Variants in MEI4 observed in about 807,000 individuals in gnomAD.
MEI4 encodes the protein meiosis-specific protein MEI4.
MEI4 carries 27 observed loss-of-function variants against 31.4 expected under a neutral mutation model. The ratio of observed to expected loss-of-function variants is 0.86; its 90% CI spans 0.63 to 1.19. MEI4 has a LOEUF of 1.19. Ranked by LOEUF, MEI4 falls within the 50% of genes most tolerant of loss-of-function variation. The pLI, the probability that MEI4 is intolerant of heterozygous loss-of-function variation, is 0.00. For missense variants in MEI4, 329 were observed against 398.9 expected, an observed-to-expected ratio of 0.82 and a Z score of 1.49; for synonymous variants, 122 against 145.4, an observed-to-expected ratio of 0.84 and a Z score of 1.16.
chr6:77,861,173 C>A (rs1462496862), intron 4 of MEI4, among the ~76,000 whole-genome samples: 1 of 152,178 alleles, frequency 6.6e-6, no homozygotes, highest in Admixed American at 6.5e-5. Context: ...ATGTCTTGTT[C>A]CACAGTGCCC....
intron 4 of MEI4, among the ~76,000 whole-genome samples, chr6:77,841,333 A>ATATATATATATATATATTTTT: frequency 4.7e-4 from 13 of 27,734 alleles, no homozygotes; most frequent in South Asian, 1.2e-3. Flanking sequence ...ATATATATAT[A>ATATATATATATATATATTTTT]TTTTTTTTTT....
intron 2 of MEI4, among the ~76,000 whole-genome samples, chr6:77,699,844 C>A (rs367767995): frequency 6.6e-6 from 1 of 152,172 alleles, no homozygotes; most frequent in Non-Finnish European, 1.5e-5. Context: ...TGGAGGTCCA[C>A]TCCACATCCT....
intron 2 of MEI4, among the ~76,000 whole-genome samples, chr6:77,707,084 G>A: frequency 7.7e-6 from 1 of 129,588 alleles, no homozygotes; most frequent in South Asian, 2.3e-4. Flanking sequence ...GAGCTAAGAA[G>A]AAGACAGGAA....
rs9448222 is a variant in MEI4 at position 77,801,475 on chromosome 6, G to T, written c.769-27456G>T. On this transcript the variant is annotated intron_variant, in intron 3 of 4. Coordinates refer to ENST00000684080, the MANE Select transcript of MEI4 (RefSeq NM_001322247.2). Reference sequence around the variant, plus strand: ...ATTGATTTTTTGAAGGGTTTTTTGTGTCTCTATTTCCTTCAGTTCTGCTCT... The same window carrying T: ...ATTGATTTTTTGAAGGGTTTTTTGTTTCTCTATTTCCTTCAGTTCTGCTCT... 7.0e-3 allele frequency among the ~76,000 whole-genome samples: 1,058 copies of T among 152,128 alleles called. 13 individuals are homozygous for T. Among genetic ancestry groups the T allele is most frequent in the African/African-American group, 0.024 (998 of 41,524 alleles).
intron 4 of MEI4, among the ~76,000 whole-genome samples, chr6:77,873,828 G>T (rs961014009): frequency 6.6e-6 from 1 of 152,162 alleles, no homozygotes; most frequent in South Asian, 2.1e-4. Flanking sequence ...CATATGGCTA[G>T]CCAGTTTTCC....
At chr6:77,755,334 G>A (rs1326232760) in intron 2 of MEI4, among the ~76,000 whole-genome samples, 3 of 152,096 alleles carry the variant, frequency 2.0e-5, no homozygotes, top group African/African-American at 4.8e-5. Context: ...TAAGGGTTCA[G>A]CAAAATGAAA....
intron 3 of MEI4, among the ~76,000 whole-genome samples, chr6:77,807,606 C>T (rs759430214): frequency 6.6e-6 from 1 of 152,164 alleles, no homozygotes; most frequent in South Asian, 2.1e-4. Context: ...TGCTAATAAT[C>T]TCACTGCAGA....
intron 4 of MEI4, among the ~76,000 whole-genome samples, chr6:77,906,528 T>C (rs888617232): frequency 1.3e-5 from 2 of 152,212 alleles, no homozygotes; most frequent in Non-Finnish European, 2.9e-5. Context: ...GGACCTTTAA[T>C]AACAATCACT....
intron 4 of MEI4, among the ~76,000 whole-genome samples, chr6:77,869,352 G>A (rs1451707527): frequency 6.6e-6 from 1 of 152,098 alleles, no homozygotes; most frequent in African/African-American, 2.4e-5. Flanking sequence ...ACTATAGAAT[G>A]TGATCATATT....
intron 4 of MEI4, among the ~76,000 whole-genome samples, chr6:77,875,863 C>G (rs12110351): frequency 0.08 from 12,103 of 152,108 alleles, 1,490 homozygotes; most frequent in African/African-American, 0.26. Flanking sequence ...TCAAATGATA[C>G]TCTTCACGGG....
intron 1 of MEI4, among the ~76,000 whole-genome samples, chr6:77,681,077 C>T (rs1165643634): frequency 6.6e-6 from 1 of 152,146 alleles, no homozygotes; most frequent in African/African-American, 2.4e-5. Flanking sequence ...ATCATCTCCC[C>T]TCTTTAATCT....
At chr6:77,914,983 TG>T (rs963638524) in intron 4 of MEI4, among the ~76,000 whole-genome samples, 1 of 152,128 alleles carries the variant, frequency 6.6e-6, no homozygotes, top group Non-Finnish European at 1.5e-5. Flanking sequence ...CAGCATATAG[TG>T]GGGTTATGTT....
At chr6:77,907,909 G>C (rs193272448) in intron 4 of MEI4, among the ~76,000 whole-genome samples, 29 of 151,984 alleles carry the variant, frequency 1.9e-4, no homozygotes, top group African/African-American at 7.0e-4. Flanking sequence ...GTGATGACGA[G>C]CGTGTTTTCA....
At chr6:77,903,087 A>G (rs1028728575) in intron 4 of MEI4, among the ~76,000 whole-genome samples, 1 of 152,128 alleles carries the variant, frequency 6.6e-6, no homozygotes, top group Non-Finnish European at 1.5e-5. Flanking sequence ...TATATTGTCT[A>G]CAAACAGAGA....
chr6:77,728,832 C>A (rs1442297562), intron 2 of MEI4, among the ~76,000 whole-genome samples: 1 of 152,158 alleles, frequency 6.6e-6, no homozygotes, highest in Non-Finnish European at 1.5e-5. Flanking sequence ...ACACCTGTTC[C>A]AGTGGGTAGG....
chr6:77,887,828 T>C (rs1010258212), intron 4 of MEI4, among the ~76,000 whole-genome samples: 1 of 152,168 alleles, frequency 6.6e-6, no homozygotes, highest in Admixed American at 6.5e-5. Context: ...TCTTAGTTGA[T>C]TGTCTCTCTA....
intron 1 of MEI4, among the ~76,000 whole-genome samples, chr6:77,663,143 G>A (rs1768544975): frequency 6.6e-6 from 1 of 152,220 alleles, no homozygotes; most frequent in Non-Finnish European, 1.5e-5. Flanking sequence ...GGTTGATAAG[G>A]TGCAGATCCT....
chr6:77,757,234 G>T (rs932984191), intron 2 of MEI4, among the ~76,000 whole-genome samples: 13 of 152,266 alleles, frequency 8.5e-5, no homozygotes, highest in Middle Eastern at 6.8e-3. Flanking sequence ...TGAATATAAG[G>T]TTCTTTTATT....
intron 3 of MEI4, among the ~76,000 whole-genome samples, chr6:77,772,507 C>T (rs1366643026): frequency 6.6e-6 from 1 of 151,896 alleles, no homozygotes; most frequent in East Asian, 1.9e-4. Flanking sequence ...ATATGATAAA[C>T]TTCAGTATCC....
Sources: gnomAD v4.1 joint callset for allele counts (sites outside exome capture counted in the v4.1 genomes callset) on GRCh38, gnomAD v4.1.1 for gene constraint, MANE v1.5 for transcripts, NCBI Gene and HGNC (gene_info 2026-07-23, HGNC 2026-07-21) for gene names.